DENND2B: variants seen among roughly 807,000 people sequenced by gnomAD.
DENND2B encodes DENN domain-containing protein 2B.
In DENND2B, 32 loss-of-function variants were observed where a neutral mutation model predicts 116.0. The observed-to-expected ratio is 0.28, with a 90% CI of 0.21 to 0.37. The LOEUF is 0.37. Among genes scored for constraint, DENND2B ranks in the 10% least tolerant of loss-of-function variants. The pLI, the probability that DENND2B is intolerant of heterozygous loss-of-function variation, is 1.00. For missense variants in DENND2B, 1,276 were observed against 1,477.7 expected (o/e 0.86, Z 2.24); for synonymous variants, 588 against 583.9 (o/e 1.01, Z -0.10).
chr11:8,828,070 C>A (rs542059871), intron 4 of DENND2B, among the ~76,000 whole-genome samples: 2 of 152,106 alleles, frequency 1.3e-5, no homozygotes, highest in African/African-American at 4.8e-5. Context: ...TGGGATGGAC[C>A]CCAAGGCCAA....
chr11:8,757,200 C>A, intron 1 of DENND2B: 1 of 423,978 alleles, frequency 2.4e-6, no homozygotes, highest in Non-Finnish European at 4.7e-6. Flanking sequence ...CTCACTTTGT[C>A]ACTATAACAG....
At chr11:8,700,026 AAACAAT>A (rs763862707) in intron 14 of DENND2B, 4 of 455,936 alleles carry the variant, frequency 8.8e-6, no homozygotes, top group Non-Finnish European at 1.8e-5. Context: ...CAACCACAGG[AAACAAT>A]AGCTGTATTC....
chr11:8,893,425 T>G (rs1205764362), intron 1 of DENND2B, among the ~76,000 whole-genome samples: 1 of 152,068 alleles, frequency 6.6e-6, no homozygotes, highest in African/African-American at 2.4e-5. Flanking sequence ...AAGAAATAAA[T>G]GGTATTCAAT....
At position 8,885,930 on chromosome 11, in the gene DENND2B, CT is replaced by C. The variant is rs1299957795; in HGVS notation, c.-255-4822del. Among the ~76,000 whole-genome samples, 6 of 151,300 alleles carry C rather than the reference CT, an allele frequency of 4.0e-5. No individual in the cohort carries two copies. The East Asian group carries it at 7.7e-4, about 20-fold the overall frequency. ...AACAATATTCCAGGAAAGGAATATT[CT>C]TTTTTTTTCTAACTTTTTTCGGGGG... On this transcript the variant is annotated intron_variant, in intron 1 of 22. Transcript: ENST00000534127.
Position 8,702,161 on chromosome 11 carries a change from C to T in DENND2B, c.2720+411G>A, listed in dbSNP as rs144732890. 4.0e-3 allele frequency among the ~76,000 whole-genome samples: 614 copies of T among 152,338 alleles called. 1 individual carries two copies. Among genetic ancestry groups the T allele is most frequent in the Middle Eastern group, 0.014 (4 of 294 alleles). On this transcript the variant is annotated intron_variant, in intron 14 of 19. Transcript: ENST00000313726. This position sits in a 1 kb window ranked among gnomAD's most constrained non-coding sequence, Gnocchi z 4.6. ...CTGTCCCCGGTCAGTGCTCTTGCCC[C>T]TTCCTCACAGCAGCTCTTTCCTCAA... is the stretch of plus-strand genomic sequence containing the variant.
At chr11:8,793,393 T>C (rs2059552636) in intron 1 of DENND2B, among the ~76,000 whole-genome samples, 1 of 152,234 alleles carries the variant, frequency 6.6e-6, no homozygotes, top group African/African-American at 2.4e-5. Context: ...CCTGTCTCTA[T>C]GAATTTGCCT....
intron 1 of DENND2B, among the ~76,000 whole-genome samples, chr11:8,801,906 C>A (rs60298595): frequency 1.4e-5 from 2 of 146,466 alleles, no homozygotes; most frequent in African/African-American, 5.1e-5. Context: ...GTGGGAGGAT[C>A]GCTTGAGCCA....
intron 2 of DENND2B, among the ~76,000 whole-genome samples, chr11:8,867,949 T>C (rs762327004): frequency 1.7e-4 from 26 of 152,080 alleles, no homozygotes; most frequent in Non-Finnish European, 2.9e-4. Flanking sequence ...ACCTAAGATG[T>C]TTAGGGCGAG....
chr11:8,900,429 T>C, intron 1 of DENND2B, among the ~76,000 whole-genome samples: 1 of 27,630 alleles, frequency 3.6e-5, no homozygotes, highest in Non-Finnish European at 1.2e-4. Flanking sequence ...AGACTCCATC[T>C]CAAAAAAAAA....
rs2042761257 is a variant in DENND2B, at chr11:8,707,244, G to C, written c.2431-19C>G. On this transcript the variant is annotated intron_variant, in intron 12 of 19. Coordinates refer to ENST00000313726, the MANE Select transcript of DENND2B (RefSeq NM_213618.2). This position sits in a 1 kb window ranked among gnomAD's most constrained non-coding sequence, Gnocchi z 4.8. ...CTAGGACCTGTGCCCACCGCCAGCA[G>C]CCCAAAGAGGAAGGGTGTCAGGGCA... 1 of 1,602,692 alleles carries C rather than the reference G, an allele frequency of 6.2e-7. No individual in the cohort carries two copies. The highest frequency in any genetic ancestry group is 8.5e-7 in the Non-Finnish European group (1 of 1,172,370).
At chr11:8,727,433 C>T (rs2047264117) in intron 3 of DENND2B, among the ~76,000 whole-genome samples, 1 of 152,242 alleles carries the variant, frequency 6.6e-6, no homozygotes, top group Non-Finnish European at 1.5e-5. Context: ...GACACATTCC[C>T]TCCTGGCTTT....
chr11:8,793,867 T>C (rs2059591875), intron 1 of DENND2B, among the ~76,000 whole-genome samples: 1 of 152,228 alleles, frequency 6.6e-6, no homozygotes, highest in Admixed American at 6.5e-5. Flanking sequence ...CAACACTTCT[T>C]ACTTTCCATT....
At chr11:8,697,028 A>G (rs145487593) in intron 17 of DENND2B, among the ~76,000 whole-genome samples, 3,192 of 152,326 alleles carry the variant, frequency 0.021, 99 homozygotes, top group African/African-American at 0.071. Flanking sequence ...GGCCTCCCCA[A>G]GTGCTGAGAT....
chr11:8,847,295 C>T (rs952981905), intron 3 of DENND2B, among the ~76,000 whole-genome samples: 3 of 152,190 alleles, frequency 2.0e-5, no homozygotes, highest in Admixed American at 6.5e-5. Context: ...TTTGGAATTT[C>T]GTTTCCCTTA....
intron 1 of DENND2B, among the ~76,000 whole-genome samples, chr11:8,797,430 C>CCTTACCCCTT (rs1565969647): frequency 6.8e-6 from 1 of 146,062 alleles, no homozygotes; most frequent in South Asian, 2.3e-4. Context: ...ATTCTTATCC[C>CCTTACCCCTT]CTTCCCCCTT....
intron 1 of DENND2B, among the ~76,000 whole-genome samples, chr11:8,786,568 T>C (rs2058921441): frequency 6.6e-6 from 1 of 152,116 alleles, no homozygotes; most frequent in African/African-American, 2.4e-5. Flanking sequence ...CCCAGCACTT[T>C]GGGAGGCCAA....
Position 8,697,710 on chromosome 11 carries a change from A to C in DENND2B, c.2941-74T>G, listed in dbSNP as rs2040623202. On this transcript the variant is annotated intron_variant, in intron 16 of 19. Transcript: ENST00000313726. ...TTACTATGTGCTAAGACCTGTTAGA[A>C]GAGCGTGAGTAGATAATCTCATTTA... is the stretch of plus-strand genomic sequence containing the variant. The C allele has an allele frequency of 4.2e-6, 4 of 949,694 alleles. No homozygotes were observed. In the East Asian group the frequency reaches 9.6e-5, roughly 23 times the overall value. 58.8% of individuals were successfully genotyped at this position (949,694 alleles called of 1,614,324 possible). A position where few individuals can be genotyped will look rare whatever the true frequency, so the allele number is the denominator to read the frequency against.
At chr11:8,782,115 G>A (rs1489839443) in intron 1 of DENND2B, among the ~76,000 whole-genome samples, 2 of 152,118 alleles carry the variant, frequency 1.3e-5, no homozygotes, top group African/African-American at 4.8e-5. Flanking sequence ...AATAGTGTCT[G>A]TAATACACAA....
chr11:8,725,986 AAGG>A, intron 4 of DENND2B, 84 bp downstream of exon 4: 1 of 1,584,086 alleles, frequency 6.3e-7, no homozygotes, highest in Non-Finnish European at 8.6e-7. Context: ...GCCCACAGTG[AAGG>A]AGGTCAATCT....
Sources: allele counts gnomAD v4.1 joint callset (sites outside exome capture counted in the v4.1 genomes callset), GRCh38; gene constraint gnomAD v4.1.1; non-coding constraint Gnocchi (gnomAD v3.1); transcripts MANE v1.5; gene names NCBI Gene and HGNC (gene_info 2026-07-23, HGNC 2026-07-21).